Variants in ABCC1 observed in about 807,000 individuals in gnomAD.
ABCC1 encodes the protein ATP binding cassette subfamily C member 1 (ABCC1 blood group), also known as multidrug resistance-associated protein 1.
A neutral mutation model predicts 172.9 loss-of-function variants in ABCC1; 83 were observed. That is an observed-to-expected ratio of 0.48 (90% CI 0.40 to 0.58). ABCC1 has a LOEUF of 0.58. Among genes scored for constraint, ABCC1 ranks in the 20% least tolerant of loss-of-function variants. ABCC1 has a pLI of 0.00. For missense variants in ABCC1, 1,817 were observed against 2,002.7 expected (o/e 0.91, Z 1.77); for synonymous variants, 937 against 825.2 (o/e 1.14, Z -2.32).
chr16:16,076,422 A>T, intron 15 of ABCC1, 21 bp downstream of exon 15: 1 of 1,591,726 alleles, frequency 6.3e-7, no homozygotes, highest in Non-Finnish European at 8.5e-7. Context: ...ACGTGGACAC[A>T]CGTGATGGTG....
At chr16:15,997,982 G>T (rs947603247) in intron 1 of ABCC1, among the ~76,000 whole-genome samples, 2 of 147,254 alleles carry the variant, frequency 1.4e-5, no homozygotes, top group African/African-American at 5.0e-5. Context: ...GCTGGCTAAT[G>T]TATTTTTTTT....
At chr16:15,970,436 C>G (rs1172394397) in intron 1 of ABCC1, among the ~76,000 whole-genome samples, 1 of 152,176 alleles carries the variant, frequency 6.6e-6, no homozygotes, top group Non-Finnish European at 1.5e-5. Context: ...GCAGGATGTA[C>G]CCAGCTGAAG....
intron 19 of ABCC1, among the ~76,000 whole-genome samples, chr16:16,100,619 A>C (rs1026926581): frequency 6.6e-6 from 1 of 152,220 alleles, no homozygotes; most frequent in South Asian, 2.1e-4. Flanking sequence ...AGATGCTGAC[A>C]TTAAAGGGAA....
At chr16:16,106,576 G>GA (rs1009733737) in intron 20 of ABCC1, 162 bp from the exon 21 acceptor site, 55 of 770,020 alleles carry the variant, frequency 7.1e-5, no homozygotes, top group Non-Finnish European at 1.1e-4. Context: ...GACATGGTGG[G>GA]GTGTGGTGCA....
intron 30 of ABCC1, among the ~76,000 whole-genome samples, chr16:16,138,979 G>T (rs2046024947): frequency 6.6e-6 from 1 of 152,174 alleles, no homozygotes. Context: ...CAAATTGCTG[G>T]GATTACAGGC....
At chr16:16,043,333 T>C (rs1187741639) in intron 7 of ABCC1, among the ~76,000 whole-genome samples, 1 of 151,092 alleles carries the variant, frequency 6.6e-6, no homozygotes, top group Non-Finnish European at 1.5e-5. Context: ...AGACTGAGTC[T>C]TTTTGCCCAG....
At chr16:16,055,549 CAA>C (rs35490080) in intron 11 of ABCC1, among the ~76,000 whole-genome samples, 1 of 142,698 alleles carries the variant, frequency 7.0e-6, no homozygotes, top group Non-Finnish European at 1.5e-5. Flanking sequence ...GACTCCGTCA[CAA>C]AAAAAAAAAG....
rs376471627 is a variant in ABCC1, at chr16:15,976,261, C to CT, written c.48+26463dup. Among the ~76,000 whole-genome samples, 611 of 152,268 alleles carry CT rather than the reference C, an allele frequency of 4.0e-3. 2 individuals are homozygous for CT. The highest frequency in any genetic ancestry group is 0.012 in the African/African-American group (510 of 41,560). ...CAGCCTGGGCAGCAAGAGCAAAACT[C>CT]TGTCTCAAAAAAGAAAAAACTCAAC... On this transcript the variant is annotated intron_variant, in intron 1 of 30. Coordinates refer to ENST00000399410, the MANE Select transcript of ABCC1 (RefSeq NM_004996.4).
chr16:16,024,678 C>G (rs1402888579), intron 5 of ABCC1, among the ~76,000 whole-genome samples: 2 of 152,146 alleles, frequency 1.3e-5, no homozygotes. Context: ...TTTAACCCTA[C>G]TGTGGTGGGA....
intron 5 of ABCC1, among the ~76,000 whole-genome samples, chr16:16,030,935 C>G (rs1321929069): frequency 6.6e-6 from 1 of 152,048 alleles, no homozygotes; most frequent in African/African-American, 2.4e-5. Context: ...ACTGCAACCT[C>G]CGCCTCATGG....
intron 19 of ABCC1, among the ~76,000 whole-genome samples, chr16:16,097,782 T>C (rs2051546909): frequency 6.6e-6 from 1 of 152,234 alleles, no homozygotes; most frequent in African/African-American, 2.4e-5. Flanking sequence ...GCCTGCTGTG[T>C]GCCACAAGGC....
intron 25 of ABCC1, 46 bp from the exon 26 acceptor site, chr16:16,125,764 T>C (rs763930570): frequency 2.2e-5 from 26 of 1,191,468 alleles, no homozygotes; most frequent in Non-Finnish European, 3.1e-5. Context: ...GAAAGTCAAG[T>C]ACGCCCGCTT....
At chr16:16,106,921 G>C in intron 21 of ABCC1, 48 bp downstream of exon 21, 1 of 1,610,602 alleles carries the variant, frequency 6.2e-7, no homozygotes, top group Non-Finnish European at 8.5e-7. Flanking sequence ...TTTATAGAGC[G>C]CCCACTGTGC....
chr16:16,004,657 CT>C (rs66530759), intron 1 of ABCC1, among the ~76,000 whole-genome samples: 50,782 of 111,628 alleles, frequency 0.45, 10,579 homozygotes, highest in Non-Finnish European at 0.53. Flanking sequence ...GTAAGGTTTA[CT>C]TTTTTTTTTT....
At chr16:15,960,901 A>T (rs568907877) in intron 1 of ABCC1, among the ~76,000 whole-genome samples, 1 of 152,208 alleles carries the variant, frequency 6.6e-6, no homozygotes, top group Admixed American at 6.5e-5. Context: ...TGGAATTTCC[A>T]GGGAAGGCGC....
intron 21 of ABCC1, among the ~76,000 whole-genome samples, chr16:16,109,972 C>T (rs1425156964): frequency 6.6e-6 from 1 of 152,196 alleles, no homozygotes; most frequent in Non-Finnish European, 1.5e-5. Flanking sequence ...TCCTTGCTGC[C>T]CCATGATCTC....
chr16:16,111,526 C>G lies in ABCC1; in HGVS notation c.3023C>G (p.Thr1008Ser), dbSNP rs2052389284. 6.2e-7 allele frequency: 1 copy of G among 1,614,042 alleles called. No individual in the cohort carries two copies. The highest frequency in any genetic ancestry group is 1.3e-5 in the African/African-American group (1 of 74,922). ...LWTDDPIVNG[T>S]QEHTKVRLSV... ...ACTGATGACCCCATCGTCAACGGGACTCAGGAGCACACGAAAGTCCGGCTG... is the reference window on the plus strand; with the variant it reads ...ACTGATGACCCCATCGTCAACGGGAGTCAGGAGCACACGAAAGTCCGGCTG... The change falls in exon 22 of 31, where the codon ACT (threonine) becomes AGT (serine). Residue 1008 changes from threonine to serine, a missense_variant. This residue lies in a region of ABCC1 where 1,412 missense variants were observed against 1,600.3 expected (regional missense o/e 0.88). Transcript: ENST00000399410.
intron 9 of ABCC1, 50 bp downstream of exon 9, chr16:16,046,063 C>CT (rs2049196693): frequency 1.3e-6 from 2 of 1,589,492 alleles, no homozygotes; most frequent in East Asian, 4.6e-5. Context: ...ACATCCCCTC[C>CT]TGCAGCCCTG....
intron 1 of ABCC1, among the ~76,000 whole-genome samples, chr16:16,003,758 TTGGTGGGTGGGTGGATGGATGGATGAAC>T (rs1176366888): frequency 4.2e-5 from 3 of 71,456 alleles, no homozygotes; most frequent in African/African-American, 1.5e-4. Flanking sequence ...TATAAATGAA[TTGGTGGGTGGGTGGATGGATGGATGAAC>T]TGGTGGGTGG....
Sources: gnomAD v4.1 joint callset for allele counts (sites outside exome capture counted in the v4.1 genomes callset) on GRCh38, gnomAD v4.1.1 for gene constraint, gnomAD v4.1.1 regional missense constraint, MANE v1.5 for transcripts, NCBI Gene and HGNC (gene_info 2026-07-23, HGNC 2026-07-21) for gene names.